Variants in OSBPL6 observed in about 807,000 individuals in gnomAD.
OSBPL6 encodes the protein oxysterol binding protein like 6.
Under a neutral mutation model 125.8 loss-of-function variants are expected in OSBPL6, and 49 were observed. The ratio of observed to expected loss-of-function variants is 0.39; its 90% CI spans 0.31 to 0.49. The LOEUF is 0.49. Ranked by LOEUF, OSBPL6 falls within the 20% of genes least tolerant of loss-of-function variation. The pLI is 0.88. For synonymous variants in OSBPL6, 394 were observed against 391.8 expected (o/e 1.01, Z -0.07); for missense variants, 986 against 1,135.4 (o/e 0.87, Z 1.89).
At chr2:178,330,097 T>C (rs777431018) in intron 5 of OSBPL6, among the ~76,000 whole-genome samples, 2 of 152,182 alleles carry the variant, frequency 1.3e-5, no homozygotes, top group Non-Finnish European at 2.9e-5. Flanking sequence ...GCCATCCTCC[T>C]TCCTACAATC....
At chr2:178,212,361 G>C (rs544155742) in intron 1 of OSBPL6, among the ~76,000 whole-genome samples, 1 of 152,282 alleles carries the variant, frequency 6.6e-6, no homozygotes, top group East Asian at 1.9e-4. Flanking sequence ...ACTCTTCTTA[G>C]AGTTTTTTAA....
chr2:178,233,504 T>C (rs2090922802), intron 1 of OSBPL6, among the ~76,000 whole-genome samples: 1 of 152,204 alleles, frequency 6.6e-6, no homozygotes, highest in African/African-American at 2.4e-5. Flanking sequence ...CCAGAATTAC[T>C]GGGGATATTA....
At chr2:178,202,415 T>A (rs918716159) in intron 1 of OSBPL6, among the ~76,000 whole-genome samples, 1 of 152,250 alleles carries the variant, frequency 6.6e-6, no homozygotes, top group African/African-American at 2.4e-5. Context: ...GTAGACTGTA[T>A]TTTTCTTTTT....
chr2:178,265,568 T>C (rs188797974), intron 1 of OSBPL6, among the ~76,000 whole-genome samples: 1 of 152,208 alleles, frequency 6.6e-6, no homozygotes, highest in African/African-American at 2.4e-5. Flanking sequence ...TATTGAATAA[T>C]TGTCCCTCAG....
chr2:178,322,192 T>A (rs1688302733), intron 3 of OSBPL6, among the ~76,000 whole-genome samples: 1 of 152,232 alleles, frequency 6.6e-6, no homozygotes, highest in South Asian at 2.1e-4. Context: ...GCCTACATAG[T>A]TACTAAGGTC....
intron 12 of OSBPL6, among the ~76,000 whole-genome samples, chr2:178,361,437 G>C (rs1467782930): frequency 3.3e-5 from 5 of 152,116 alleles, no homozygotes; most frequent in African/African-American, 1.2e-4. Context: ...GCTACTTCCA[G>C]ATTTTTGTTG....
chr2:178,255,669 C>T (rs1176201967), intron 1 of OSBPL6, among the ~76,000 whole-genome samples: 1 of 152,192 alleles, frequency 6.6e-6, no homozygotes. Flanking sequence ...TTCCTAATCT[C>T]TCACCTTAAC....
At chr2:178,198,621 A>AATAAATAT (rs2089051231) in intron 1 of OSBPL6, among the ~76,000 whole-genome samples, 1 of 139,662 alleles carries the variant, frequency 7.2e-6, no homozygotes, top group Non-Finnish European at 1.5e-5. Flanking sequence ...CCATCTCATA[A>AATAAATAT]ATAAATAAAT....
rs969921751 is a variant in OSBPL6 at position 178,372,155 on chromosome 2, T to A, written c.1317T>A (p.Ser439Arg). 6.2e-7 allele frequency: 1 copy of A among 1,612,762 alleles called. No homozygotes were observed. Among genetic ancestry groups the A allele is most frequent in the African/African-American group, 1.3e-5 (1 of 74,832 alleles). Residue 439 changes from serine (S) to arginine (R), a missense_variant, in exon 14 of 25, where the codon AGT becomes AGA. Physicochemically the swap from Ser to Arg is moderately radical, Grantham distance 110. Around this residue, in one of 3 missense-constraint regions of OSBPL6, gnomAD observed 843 missense variants for 997.3 expected, o/e 0.85. Coordinates refer to ENST00000190611, the MANE Select transcript of OSBPL6 (RefSeq NM_032523.4). ...TCAACCAGAATGCTGAACTAAGGAGTCGGTTGAACAGAATACATTCAGAGT... is the reference window on the plus strand; with the variant it reads ...TCAACCAGAATGCTGAACTAAGGAGACGGTTGAACAGAATACATTCAGAGT... ...QALNQNAELR[S>R]RLNRIHSESI...
At chr2:178,384,658 T>C (rs1221917480) in intron 18 of OSBPL6, among the ~76,000 whole-genome samples, 2 of 152,152 alleles carry the variant, frequency 1.3e-5, no homozygotes, top group Non-Finnish European at 1.5e-5. Context: ...CATTTTTACA[T>C]AGACAGTAGG....
intron 1 of OSBPL6, among the ~76,000 whole-genome samples, chr2:178,263,758 T>G (rs1216594897): frequency 2.0e-5 from 3 of 152,020 alleles, no homozygotes; most frequent in African/African-American, 7.2e-5. Context: ...AAACGTCATC[T>G]CTCATACCTC....
chr2:178,330,141 T>C (rs1003036243), intron 5 of OSBPL6, among the ~76,000 whole-genome samples: 3 of 152,192 alleles, frequency 2.0e-5, no homozygotes, highest in African/African-American at 2.4e-5. Flanking sequence ...TTTCCCCAAA[T>C]TGATGGCCTT....
intron 1 of OSBPL6, among the ~76,000 whole-genome samples, chr2:178,217,426 C>T (rs562633195): frequency 6.6e-6 from 1 of 152,210 alleles, no homozygotes; most frequent in Admixed American, 6.5e-5. Context: ...CTACATTGTC[C>T]GAGGTGTATA....
chr2:178,385,291 C>T (rs1694845563), intron 18 of OSBPL6, among the ~76,000 whole-genome samples, 167 bp from the exon 19 acceptor site: 1 of 152,152 alleles, frequency 6.6e-6, no homozygotes, highest in South Asian at 2.1e-4. Context: ...ATTCACTTCA[C>T]TTATGGGCAT....
At chr2:178,277,866 TAG>T (rs2154028580) in intron 1 of OSBPL6, among the ~76,000 whole-genome samples, 1 of 152,330 alleles carries the variant, frequency 6.6e-6, no homozygotes, top group South Asian at 2.1e-4. Flanking sequence ...GTTCTGCGGC[TAG>T]ATCCCCCTCC....
intron 1 of OSBPL6, among the ~76,000 whole-genome samples, chr2:178,219,256 T>C (rs1457112343): frequency 6.6e-6 from 1 of 152,208 alleles, no homozygotes; most frequent in Non-Finnish European, 1.5e-5. Context: ...TATATTCAGA[T>C]TTAAACCACA....
chr2:178,311,566 C>A (rs758842163), intron 3 of OSBPL6, among the ~76,000 whole-genome samples: 6 of 152,218 alleles, frequency 3.9e-5, no homozygotes, highest in Non-Finnish European at 7.3e-5. Flanking sequence ...TACAGCGCCT[C>A]ACATTTGGTA....
chr2:178,293,231 G>A (rs995209964), intron 2 of OSBPL6, among the ~76,000 whole-genome samples: 3 of 152,114 alleles, frequency 2.0e-5, no homozygotes, highest in African/African-American at 4.8e-5. Context: ...ACTGAATCAA[G>A]TACAGTGTTG....
intron 1 of OSBPL6, among the ~76,000 whole-genome samples, chr2:178,229,035 G>T (rs2090699295): frequency 1.3e-5 from 2 of 152,330 alleles, no homozygotes; most frequent in Admixed American, 1.3e-4. Context: ...CACATCTGAT[G>T]AGGGCCTCGT....
Sources: gnomAD v4.1 joint callset for allele counts (sites outside exome capture counted in the v4.1 genomes callset) on GRCh38, gnomAD v4.1.1 for gene constraint, gnomAD v4.1.1 regional missense constraint, MANE v1.5 for transcripts, NCBI Gene and HGNC (gene_info 2026-07-23, HGNC 2026-07-21) for gene names.